The following SLC27A5 variants were observed in gnomAD, a reference collection of about 807,000 sequenced individuals.
The protein encoded by SLC27A5 is solute carrier family 27 member 5.
A neutral mutation model predicts 63.1 loss-of-function variants in SLC27A5; 47 were observed. That is an observed-to-expected ratio of 0.74 (90% CI 0.59 to 0.95). The LOEUF (loss-of-function observed/expected upper bound fraction) is 0.95. Ranked by LOEUF, SLC27A5 falls within the 40% of genes least tolerant of loss-of-function variation. The probability of loss-of-function intolerance (pLI) is 0.00; values close to 1 mark genes in which losing one functional copy is unlikely to be tolerated. For synonymous variants in SLC27A5, 391 were observed against 403.8 expected, an observed-to-expected ratio of 0.97 and a Z score of 0.38; for missense variants, 940 against 921.0, an observed-to-expected ratio of 1.02 and a Z score of -0.27.
chr19:58,498,689 G>T lies in SLC27A5; in HGVS notation c.1899C>A (p.Asp633Glu). 1 of 1,613,646 alleles carries T rather than the reference G, an allele frequency of 6.2e-7. No individual in the cohort carries two copies. The highest frequency in any genetic ancestry group is 8.5e-7 in the Non-Finnish European group (1 of 1,179,724). The stretch of plus-strand genomic sequence containing the variant: ...TGAACGTGCTGGTGACCTCCATGGC[G>T]TCCTGCAGGGCAGTGACCATGGTCC... ...YATPHFIRIQ[D>E]AMEVTSTFKL... The change falls in exon 10 of 10, where the codon GAC (aspartate) becomes GAA (glutamate). Residue 633 changes from aspartate (D) to glutamate (E), a missense_variant and splice_region_variant. By Grantham distance (45) the Asp-to-Glu change is conservative (BLOSUM62 2). Transcript: ENST00000263093.
At position 58,500,551 on chromosome 19, in the gene SLC27A5, C is replaced by T. The variant is rs148459550; in HGVS notation, c.1338G>A (p.Gly446=). ...EGNMGLVNYV[G]RCGALGKMSC... ...TCATCTTGCCCAGGGCCCCGCAGCG[C>T]CCCACATAGTTGACTAAGCCCATGT... The change falls in exon 5 of 10, where the codon GGG becomes GGA. Residue 446 remains glycine, a synonymous_variant. Transcript: ENST00000263093. 1.1e-3 allele frequency: 1,713 copies of T among 1,614,122 alleles called. 1 individual carries two copies. The highest frequency in any genetic ancestry group is 1.4e-3 in the Non-Finnish European group (1,608 of 1,180,030).
chr19:58,499,526 G>A lies in SLC27A5; in HGVS notation c.1633C>T (p.Leu545Phe), dbSNP rs1252727863. 6 of 1,613,004 alleles carry A rather than the reference G, an allele frequency of 3.7e-6. No individual in the cohort carries two copies. Among genetic ancestry groups the A allele is most frequent in the South Asian group, 1.1e-5 (1 of 91,070 alleles). Residue 545 changes from leucine (L) to phenylalanine (F), a missense_variant, in exon 7 of 10, where the codon CTC (leucine) becomes TTC (phenylalanine). By Grantham distance (22) the Leu-to-Phe change is conservative. Coordinates refer to ENST00000263093, the MANE Select transcript of SLC27A5 (RefSeq NM_012254.3). ...DVLAMDREGF[L>F]YFRDRLGDTF... Reference sequence around the variant, plus strand: ...TCCCCGAGGCGGTCGCGGAAGTAGAGGAAGCCTTCGCGGTCCATGGCCAGT... The same window carrying A: ...TCCCCGAGGCGGTCGCGGAAGTAGAAGAAGCCTTCGCGGTCCATGGCCAGT...
At position 58,511,778 on chromosome 19, in the gene SLC27A5, C is replaced by T. The variant is rs769657523; in HGVS notation, c.178G>A (p.Val60Met). ...GCTGCCAGGCTCAGCCCATGGGGCA[C>T]CCAGGGGCCGAGCCAGGGCCGTGCT... Reference protein sequence around the residue: ...MLARPWLGPWVPHGLSLAAAA... With the variant: ...MLARPWLGPWMPHGLSLAAAA... Residue 60 changes from valine to methionine, a missense_variant, in exon 1 of 10, where the codon GTG (valine) becomes ATG (methionine). Coordinates refer to ENST00000263093, the MANE Select transcript of SLC27A5 (RefSeq NM_012254.3). 5.1e-6 allele frequency: 8 copies of T among 1,553,568 alleles called. No homozygotes were observed. The highest frequency in any genetic ancestry group is 1.2e-5 in the South Asian group (1 of 84,492).
chr19:58,499,013 GC>G, intron 8 of SLC27A5, 98 bp from the exon 9 acceptor site: 1 of 1,590,074 alleles, frequency 6.3e-7, no homozygotes, highest in Non-Finnish European at 8.6e-7. Flanking sequence ...GTGAGAGCCA[GC>G]AAGTCTCTAA....
At chr19:58,507,248 T>C (rs968922742) in intron 3 of SLC27A5, 6 of 151,940 alleles carry the variant, frequency 3.9e-5, no homozygotes, top group Admixed American at 3.9e-4. Context: ...TAACAGCTAC[T>C]CGGGATGCTG....
rs1416872534 is a variant in SLC27A5, at chr19:58,500,724, G to A, written c.1183-18C>T. The stretch of plus-strand genomic sequence containing the variant: ...TCTGGTTGCTACAGGAATGTCCCCA[G>A]AAGGGTGAGGAGGAGGTGCTCTTGG... On this transcript the variant is annotated intron_variant, in intron 4 of 9. Coordinates refer to ENST00000263093, the MANE Select transcript of SLC27A5 (RefSeq NM_012254.3). 6.2e-7 allele frequency: 1 copy of A among 1,605,298 alleles called. No homozygotes were observed. The highest frequency in any genetic ancestry group is 8.5e-7 in the Non-Finnish European group (1 of 1,173,118).
chr19:58,506,870 A>G (rs141340204), intron 3 of SLC27A5, among the ~76,000 whole-genome samples: 1 of 151,900 alleles, frequency 6.6e-6, no homozygotes, highest in East Asian at 2.0e-4. Context: ...CAGCTTCCCA[A>G]AGTGCTGGGA....
chr19:58,506,800 G>C (rs1249997066), intron 3 of SLC27A5, among the ~76,000 whole-genome samples: 1 of 151,814 alleles, frequency 6.6e-6, no homozygotes, highest in African/African-American at 2.4e-5. Context: ...GTACAGACAG[G>C]GTTTTACCAT....
In SLC27A5 at chr19:58,498,930, G is replaced by C; in HGVS notation, c.1766-15C>G. 6.2e-7 allele frequency: 1 copy of C among 1,607,582 alleles called. No homozygotes were observed. The highest frequency in any genetic ancestry group is 8.5e-7 in the Non-Finnish European group (1 of 1,178,032). ...ACCCTCACAACCTAGAGAGCAGTCT[G>C]GTCACTCTCGGCTGACCCATCTCGA... is the stretch of plus-strand genomic sequence containing the variant. On this transcript the variant is annotated splice_polypyrimidine_tract_variant and intron_variant, in intron 8 of 9. Transcript: ENST00000263093.
chr19:58,510,922 C>T lies in SLC27A5; in HGVS notation c.697G>A (p.Glu233Lys). The T allele has an allele frequency of 6.2e-7, 1 of 1,601,912 alleles. No individual in the cohort carries two copies. Among genetic ancestry groups the T allele is most frequent in the Non-Finnish European group, 8.5e-7 (1 of 1,172,900 alleles). The change falls in exon 2 of 10, where the codon GAG becomes AAG. Residue 233 changes from glutamate to lysine, a missense_variant. Glu to Lys is a moderately conservative substitution (Grantham distance 56). Coordinates refer to ENST00000263093, the MANE Select transcript of SLC27A5 (RefSeq NM_012254.3). ...TTGGGAAGGATCTCCTCCAGGCTCT[C>T]CCGGAGGTCTGCAGAGATGGGTCAG... ...RVLVVDPDLR[E>K]SLEEILPKLQ...
At chr19:58,510,115 C>T (rs2053393222) in intron 2 of SLC27A5, 110 bp from the exon 3 acceptor site, 10 of 1,115,194 alleles carry the variant, frequency 9.0e-6, no homozygotes, top group Non-Finnish European at 1.1e-5. Context: ...GTTTGAGGCT[C>T]TCAGAGAACA....
intron 3 of SLC27A5, among the ~76,000 whole-genome samples, chr19:58,505,144 G>A (rs537718927): frequency 1.9e-4 from 28 of 145,664 alleles, no homozygotes; most frequent in African/African-American, 7.2e-4. Context: ...TTTTTGCACA[G>A]GCTGGAATGC....
At position 58,511,582 on chromosome 19, in the gene SLC27A5, C is replaced by A; in HGVS notation, c.374G>T (p.Arg125Leu). 6.4e-7 allele frequency: 1 copy of A among 1,571,024 alleles called. No homozygotes were observed. Among genetic ancestry groups the A allele is most frequent in the South Asian group, 1.2e-5 (1 of 86,274 alleles). ...CAAGAGTGCCCTGCCAGGCTGCGCT[C>A]GTGCTCGCCGCTCGAAGGCATCTAC... ...TFVDAFERRA[R>L]AQPGRALLVW... The change falls in exon 1 of 10, where the codon CGA (arginine) becomes CTA (leucine). Residue 125 changes from arginine to leucine, a missense_variant. Coordinates refer to ENST00000263093, the MANE Select transcript of SLC27A5 (RefSeq NM_012254.3).
At chr19:58,505,123 C>G (rs1292905480) in intron 3 of SLC27A5, among the ~76,000 whole-genome samples, 2 of 119,190 alleles carry the variant, frequency 1.7e-5, no homozygotes, top group Non-Finnish European at 3.3e-5. Context: ...TTTTTTGAGA[C>G]AGAGTCTCGC....
At chr19:58,502,632 TG>T (rs1185644608) in intron 3 of SLC27A5, among the ~76,000 whole-genome samples, 37 of 137,302 alleles carry the variant, frequency 2.7e-4, no homozygotes, top group African/African-American at 9.4e-4. Context: ...GATGGATGTG[TG>T]GACAGAGTAG....
intron 8 of SLC27A5, 72 bp from the exon 9 acceptor site, chr19:58,498,987 G>A: frequency 1.9e-6 from 3 of 1,591,500 alleles, no homozygotes; most frequent in Middle Eastern, 3.3e-4. Context: ...GCCTCGCCCA[G>A]CTCTGCTCAC....
At chr19:58,504,574 GGGGGGGGGGGGGGGGC>G (rs1413640594) in intron 3 of SLC27A5, among the ~76,000 whole-genome samples, 2 of 2,384 alleles carry the variant, frequency 8.4e-4, no homozygotes, top group South Asian at 0.033. Flanking sequence ...ATTGAACCCT[GGGGGGGGGGGGGGGGC>G]GGGCGGGGCG....
intron 1 of SLC27A5, 79 bp from the exon 2 acceptor site, chr19:58,511,009 G>A: frequency 8.5e-7 from 1 of 1,178,614 alleles, no homozygotes; most frequent in Non-Finnish European, 1.2e-6. Context: ...ACCCACAGAT[G>A]CAGGCAGAGG....
At chr19:58,506,548 CA>C (rs1485722902) in intron 3 of SLC27A5, among the ~76,000 whole-genome samples, 3 of 151,060 alleles carry the variant, frequency 2.0e-5, no homozygotes, top group Admixed American at 2.0e-4. Flanking sequence ...CAAAAACAAA[CA>C]AAAAAGAAAC....
Sources: gnomAD v4.1 joint callset for allele counts (sites outside exome capture counted in the v4.1 genomes callset) on GRCh38, gnomAD v4.1.1 for gene constraint, MANE v1.5 for transcripts, NCBI Gene and HGNC (gene_info 2026-07-23, HGNC 2026-07-21) for gene names.